The following GMEB2 variants were observed in gnomAD, a reference collection of about 807,000 sequenced individuals.
The protein encoded by GMEB2 is glucocorticoid modulatory element binding protein 2.
GMEB2 carries 7 observed loss-of-function variants against 45.7 expected under a neutral mutation model. The ratio of observed to expected loss-of-function variants is 0.15; its 90% CI spans 0.09 to 0.29. The LOEUF (loss-of-function observed/expected upper bound fraction) is 0.29. Among genes scored for constraint, GMEB2 ranks in the 10% least tolerant of loss-of-function variants. The pLI, the probability that GMEB2 is intolerant of heterozygous loss-of-function variation, is 1.00. For synonymous variants in GMEB2, 322 were observed against 323.6 expected (o/e 1.00, Z 0.05); for missense variants, 582 against 739.2 (o/e 0.79, Z 2.47).
intron 2 of GMEB2, among the ~76,000 whole-genome samples, chr20:63,611,126 G>A (rs2146082562): frequency 6.6e-6 from 1 of 152,376 alleles, no homozygotes; most frequent in East Asian, 1.9e-4. Flanking sequence ...TGCAAGCATG[G>A]CTAATTCAGA....
intron 5 of GMEB2, among the ~76,000 whole-genome samples, chr20:63,596,823 G>C (rs113788126): frequency 5.9e-5 from 9 of 152,332 alleles, no homozygotes; most frequent in African/African-American, 2.2e-4. Context: ...TTCGAGACCA[G>C]CCTGGACAAT....
At chr20:63,598,481 C>A (rs1422227488) in intron 4 of GMEB2, among the ~76,000 whole-genome samples, 1 of 152,130 alleles carries the variant, frequency 6.6e-6, no homozygotes, top group African/African-American at 2.4e-5. Context: ...GTTACACAAG[C>A]AATTATTGAA....
Position 63,589,729 on chromosome 20 carries a change from G to A in GMEB2, c.*360C>T, listed in dbSNP as rs866215893. 10 of 213,000 alleles carry A rather than the reference G, an allele frequency of 4.7e-5. No homozygotes were observed. Among genetic ancestry groups the A allele is most frequent in the Admixed American group, 1.8e-4 (3 of 16,900 alleles). 13.2% of individuals were successfully genotyped at this position (213,000 alleles called of 1,614,324 possible). ...GTCCAGCACCTGCAGGGTCGCGCTC[G>A]GCACCTGGCTCTGCTTCCTCTGTCT... On this transcript the variant is annotated 3_prime_UTR_variant, in exon 10 of 10. Transcript: ENST00000370077.
intron 5 of GMEB2, 47 bp downstream of exon 5, chr20:63,597,710 G>T (rs2083210235): frequency 9.6e-7 from 1 of 1,037,280 alleles, no homozygotes; most frequent in Non-Finnish European, 1.5e-6. Context: ...AGCAAGAGCT[G>T]CCAGGGCCCC....
chr20:63,607,158 GC>G (rs1221039460), intron 2 of GMEB2, among the ~76,000 whole-genome samples: 2 of 147,384 alleles, frequency 1.4e-5, no homozygotes, highest in Admixed American at 1.4e-4. Context: ...CTAGAAACAT[GC>G]CCCTTTGACC....
chr20:63,603,229 A>T (rs2083254154), intron 3 of GMEB2, 137 bp from the exon 4 acceptor site: 1 of 895,448 alleles, frequency 1.1e-6, no homozygotes. Context: ...CCTGAGATAG[A>T]GCCAAGGTGG....
intron 4 of GMEB2, among the ~76,000 whole-genome samples, chr20:63,599,775 G>C (rs1601012716): frequency 6.6e-6 from 1 of 152,164 alleles, no homozygotes; most frequent in South Asian, 2.1e-4. Context: ...AGTCCAGGGA[G>C]CTCTCACACG....
intron 1 of GMEB2, among the ~76,000 whole-genome samples, chr20:63,623,440 C>G (rs954372413): frequency 2.0e-5 from 3 of 152,212 alleles, no homozygotes; most frequent in South Asian, 2.1e-4. Flanking sequence ...AATGTTTTCA[C>G]TAGCATAACT....
At chr20:63,616,495 T>C (rs940579865) in intron 2 of GMEB2, among the ~76,000 whole-genome samples, 1 of 152,122 alleles carries the variant, frequency 6.6e-6, no homozygotes, top group Non-Finnish European at 1.5e-5. Context: ...ATGGAAGTCA[T>C]CACAACAATG....
chr20:63,622,937 G>A (rs1191450671), intron 1 of GMEB2, among the ~76,000 whole-genome samples: 1 of 152,206 alleles, frequency 6.6e-6, no homozygotes, highest in Non-Finnish European at 1.5e-5. Context: ...TGAGTGTGGC[G>A]GACGGTGAGT....
intron 2 of GMEB2, among the ~76,000 whole-genome samples, chr20:63,616,964 T>C (rs1273706175): frequency 6.6e-6 from 1 of 152,098 alleles, no homozygotes; most frequent in East Asian, 1.9e-4. Flanking sequence ...CAGTAAGACT[T>C]TGACCTTCTG....
At position 63,593,913 on chromosome 20, in the gene GMEB2, G is replaced by C. The variant is rs910731719; in HGVS notation, c.620-831C>G. On this transcript the variant is annotated intron_variant, in intron 6 of 9. Coordinates refer to ENST00000370077, the MANE Select transcript of GMEB2 (RefSeq NM_012384.5). The surrounding 1 kb of genome is among the most constrained non-coding windows in gnomAD (Gnocchi z 4.7). The stretch of plus-strand genomic sequence containing the variant: ...CGTGCGCCTGTAATCCCAGCTACTC[G>C]GGAGGCTGAGGCAGGAGAATCGCTA... Among the ~76,000 whole-genome samples, 1 of 152,194 alleles carries C rather than the reference G, an allele frequency of 6.6e-6. No individual in the cohort carries two copies. Among genetic ancestry groups the C allele is most frequent in the Non-Finnish European group, 1.5e-5 (1 of 68,052 alleles).
intron 2 of GMEB2, among the ~76,000 whole-genome samples, chr20:63,615,122 G>A (rs1601030200): frequency 6.6e-6 from 1 of 152,116 alleles, no homozygotes; most frequent in South Asian, 2.1e-4. Context: ...GCCTAGGCAC[G>A]ACTCAGCTGC....
At position 63,591,717 on chromosome 20, in the gene GMEB2, G is replaced by A. The variant is rs1178209421; in HGVS notation, c.952+305C>T. ...TAGCCTGAAGTGATCCGCCCGCCTC[G>A]GCCTCCCAAAGCGCTGGGATAACAG... is the stretch of plus-strand genomic sequence containing the variant. On this transcript the variant is annotated intron_variant, in intron 9 of 9. Transcript: ENST00000370077. Among the ~76,000 whole-genome samples, 6 of 152,238 alleles carry A rather than the reference G, an allele frequency of 3.9e-5. No individual in the cohort carries two copies. The East Asian group carries it at 9.6e-4, about 24-fold the overall frequency.
At chr20:63,605,610 T>C (rs1273005981) in intron 2 of GMEB2, among the ~76,000 whole-genome samples, 7 of 151,442 alleles carry the variant, frequency 4.6e-5, no homozygotes, top group Non-Finnish European at 1.5e-5. Context: ...ATCACACATT[T>C]TCTGTTTGGT....
Position 63,619,723 on chromosome 20 carries a change from CAGG to C in GMEB2, c.-57-272_-57-270del, listed in dbSNP as rs1262493117. On this transcript the variant is annotated intron_variant, in intron 1 of 9. Transcript: ENST00000370077. The surrounding 1 kb of genome is among the most constrained non-coding windows in gnomAD (Gnocchi z 4.6). ...CACTCCCTCCACGTGGGGCTCAGAG[CAGG>C]AGGACAGGAGGGGCCTGGAATTCCA... The C allele has an allele frequency of 3.9e-5, 7 of 179,174 alleles. No homozygotes were observed. Among genetic ancestry groups the C allele is most frequent in the Non-Finnish European group, 7.0e-5 (6 of 85,336 alleles). 11.1% of individuals were successfully genotyped at this position (179,174 alleles called of 1,614,324 possible).
rs1288277822 is a variant in GMEB2, at chr20:63,604,752, C to A, written c.220G>T (p.Ala74Ser). The change falls in exon 3 of 10, where the codon GCC becomes TCC. Residue 74 changes from alanine (A) to serine (S), a missense_variant. Ala to Ser is a moderately conservative substitution (Grantham distance 99). Coordinates refer to ENST00000370077, the MANE Select transcript of GMEB2 (RefSeq NM_012384.5). ...AFTASSQLKEAVLVKMAEEGE... is the reference protein window; with the variant it reads ...AFTASSQLKESVLVKMAEEGE... The stretch of plus-strand genomic sequence containing the variant: ...TAGGACGGCTTCCTACCTAACACGG[C>A]TTCCTTGAGCTGGGAGGAGGCTGTG... 5 of 1,599,246 alleles carry A rather than the reference C, an allele frequency of 3.1e-6. No individual in the cohort carries two copies. Among genetic ancestry groups the A allele is most frequent in the Non-Finnish European group, 4.3e-6 (5 of 1,166,558 alleles).
chr20:63,623,616 G>A (rs1033930873), intron 1 of GMEB2, among the ~76,000 whole-genome samples: 9 of 151,504 alleles, frequency 5.9e-5, no homozygotes, highest in Admixed American at 1.3e-4. Flanking sequence ...TGATCAATAC[G>A]GTGAAACCCC....
chr20:63,592,006 G>T lies in GMEB2; in HGVS notation c.952+16C>A. The T allele has an allele frequency of 1.2e-6, 2 of 1,604,044 alleles. No individual in the cohort carries two copies. ...CCTACCGCCCAGGGGACGGGACGGG[G>T]GTGGTCTCAGCATACCTGCCAGGTC... On this transcript the variant is annotated intron_variant, in intron 9 of 9. Coordinates refer to ENST00000370077, the MANE Select transcript of GMEB2 (RefSeq NM_012384.5). The surrounding 1 kb of genome is among the most constrained non-coding windows in gnomAD (Gnocchi z 8.2).
Sources: allele counts gnomAD v4.1 joint callset (sites outside exome capture counted in the v4.1 genomes callset), GRCh38; gene constraint gnomAD v4.1.1; non-coding constraint Gnocchi (gnomAD v3.1); transcripts MANE v1.5; gene names NCBI Gene and HGNC (gene_info 2026-07-23, HGNC 2026-07-21).